The following RSRC1 variants were observed in gnomAD, a reference collection of about 807,000 sequenced individuals.
RSRC1 encodes serine/Arginine-related protein 53.
A neutral mutation model predicts 49.1 loss-of-function variants in RSRC1; 39 were observed. The observed-to-expected ratio is 0.79, with a 90% CI of 0.61 to 1.04. The LOEUF is 1.04. Among genes scored for constraint, RSRC1 ranks in the 50% least tolerant of loss-of-function variants. RSRC1 has a pLI of 0.00. For missense variants in RSRC1, 388 were observed against 402.4 expected, an observed-to-expected ratio of 0.96 and a Z score of 0.31; for synonymous variants, 143 against 130.8, an observed-to-expected ratio of 1.09 and a Z score of -0.63.
intron 7 of RSRC1, among the ~76,000 whole-genome samples, chr3:158,476,670 C>G (rs1738382470): frequency 6.6e-6 from 1 of 152,146 alleles, no homozygotes; most frequent in Non-Finnish European, 1.5e-5. Flanking sequence ...GAAAAAAAGA[C>G]TTCTTTCAAA....
At chr3:158,529,492 T>C (rs1421640549) in intron 7 of RSRC1, among the ~76,000 whole-genome samples, 1 of 151,886 alleles carries the variant, frequency 6.6e-6, no homozygotes, top group African/African-American at 2.4e-5. Flanking sequence ...GTTTCTCATC[T>C]TTACAATGAG....
At chr3:158,204,332 G>T (rs985416553) in intron 4 of RSRC1, among the ~76,000 whole-genome samples, 1 of 152,116 alleles carries the variant, frequency 6.6e-6, no homozygotes, top group East Asian at 1.9e-4. Flanking sequence ...AATTTGTGGT[G>T]GAGTTTGGAA....
chr3:158,328,537 T>C (rs1273493484), intron 5 of RSRC1, among the ~76,000 whole-genome samples: 1 of 152,196 alleles, frequency 6.6e-6, no homozygotes, highest in East Asian at 1.9e-4. Context: ...AAAATTCTTT[T>C]CTTAAGAATG....
At chr3:158,524,233 G>A (rs1711870343) in intron 7 of RSRC1, among the ~76,000 whole-genome samples, 1 of 152,074 alleles carries the variant, frequency 6.6e-6, no homozygotes, top group South Asian at 2.1e-4. Flanking sequence ...CAATTGAATT[G>A]TGGTTTAGGC....
chr3:158,339,722 C>T (rs985749739), intron 5 of RSRC1, among the ~76,000 whole-genome samples: 3 of 152,196 alleles, frequency 2.0e-5, no homozygotes, highest in African/African-American at 4.8e-5. Context: ...GTATTTCAGG[C>T]ACTCTCCTAG....
chr3:158,316,437 C>CTTTTTTTTTTTT (rs1728450999), intron 5 of RSRC1, among the ~76,000 whole-genome samples: 11 of 87,466 alleles, frequency 1.3e-4, no homozygotes, highest in Admixed American at 4.4e-4. Flanking sequence ...CAGAATCTCT[C>CTTTTTTTTTTTT]ATTTTTTTTT....
chr3:158,521,982 A>T (rs1338802170), intron 7 of RSRC1, among the ~76,000 whole-genome samples: 1 of 152,146 alleles, frequency 6.6e-6, no homozygotes, highest in Non-Finnish European at 1.5e-5. Context: ...TTAGAATTAC[A>T]TTAAAATATA....
intron 7 of RSRC1, among the ~76,000 whole-genome samples, chr3:158,480,134 C>T (rs1738549679): frequency 2.0e-5 from 3 of 152,004 alleles, no homozygotes; most frequent in Non-Finnish European, 2.9e-5. Flanking sequence ...TTTTATTCCC[C>T]TTAAAAATTA....
intron 4 of RSRC1, among the ~76,000 whole-genome samples, chr3:158,277,635 C>T (rs1222445211): frequency 6.6e-6 from 1 of 152,076 alleles, no homozygotes; most frequent in Non-Finnish European, 1.5e-5. Context: ...ACTTTGACAG[C>T]ATGGGAAGTA....
At chr3:158,342,576 A>G (rs1212535050) in intron 5 of RSRC1, among the ~76,000 whole-genome samples, 1 of 152,174 alleles carries the variant, frequency 6.6e-6, no homozygotes, top group Non-Finnish European at 1.5e-5. Flanking sequence ...GTTTGTCCTT[A>G]TCAGCTGCAT....
At chr3:158,531,014 A>T (rs1247533412) in intron 7 of RSRC1, among the ~76,000 whole-genome samples, 1 of 149,140 alleles carries the variant, frequency 6.7e-6, no homozygotes, top group Non-Finnish European at 1.5e-5. Flanking sequence ...ATTTTCTTCC[A>T]TGAAGTTTTA....
At chr3:158,511,336 A>G (rs1003783780) in intron 7 of RSRC1, among the ~76,000 whole-genome samples, 6 of 150,836 alleles carry the variant, frequency 4.0e-5, no homozygotes, top group Admixed American at 4.0e-4. Context: ...ATGTGTTCTC[A>G]TTGTTCAATT....
chr3:158,455,567 A>G (rs1313273374), intron 6 of RSRC1, among the ~76,000 whole-genome samples: 1 of 152,150 alleles, frequency 6.6e-6, no homozygotes, highest in Non-Finnish European at 1.5e-5. Context: ...TACCAGTGAC[A>G]CATCCTGAAT....
At chr3:158,167,438 G>A (rs540443162) in intron 3 of RSRC1, among the ~76,000 whole-genome samples, 90 of 152,252 alleles carry the variant, frequency 5.9e-4, no homozygotes, top group African/African-American at 2.0e-3. Context: ...TGATCCACCC[G>A]CCTTGGCCTT....
At chr3:158,439,931 T>TCTCTTCA (rs1452642717) in intron 6 of RSRC1, among the ~76,000 whole-genome samples, 14 of 152,030 alleles carry the variant, frequency 9.2e-5, no homozygotes. Flanking sequence ...AAAATTGTAG[T>TCTCTTCA]ATTTCAAGAG....
intron 3 of RSRC1, among the ~76,000 whole-genome samples, chr3:158,124,293 T>C (rs1489735046): frequency 2.0e-5 from 3 of 152,062 alleles, no homozygotes; most frequent in Non-Finnish European, 4.4e-5. Context: ...CCGGTGGTGG[T>C]AGCACGTGCG....
intron 3 of RSRC1, among the ~76,000 whole-genome samples, chr3:158,193,665 T>G (rs1720370187): frequency 1.3e-5 from 2 of 152,130 alleles, no homozygotes; most frequent in Admixed American, 6.6e-5. Flanking sequence ...ACTTTAGAAT[T>G]TAACTGATTA....
intron 3 of RSRC1, among the ~76,000 whole-genome samples, chr3:158,129,059 C>T (rs1715818572): frequency 6.6e-6 from 1 of 152,008 alleles, no homozygotes; most frequent in African/African-American, 2.4e-5. Flanking sequence ...ACTATCTTTC[C>T]TTTTGTAGTT....
At chr3:158,227,000 AT>A (rs1278447121) in intron 4 of RSRC1, among the ~76,000 whole-genome samples, 1 of 151,846 alleles carries the variant, frequency 6.6e-6, no homozygotes, top group African/African-American at 2.4e-5. Context: ...ATGTAAATTA[AT>A]TTAATATTAT....
Sources: allele counts gnomAD v4.1 joint callset (sites outside exome capture counted in the v4.1 genomes callset), GRCh38; gene constraint gnomAD v4.1.1; transcripts MANE v1.5; gene names NCBI Gene and HGNC (gene_info 2026-07-23, HGNC 2026-07-21).